Variants in FREM2 observed in about 807,000 individuals in gnomAD.
The protein encoded by FREM2 is FRAS1-related extracellular matrix protein 2.
FREM2 carries 119 observed loss-of-function variants against 219.9 expected under a neutral mutation model. The observed-to-expected ratio is 0.54, with a 90% CI of 0.47 to 0.63. The LOEUF is 0.63. FREM2 is among the 30% of genes least tolerant of loss of function. The pLI is 0.00. For synonymous variants in FREM2, 1,562 were observed against 1,522.8 expected, an observed-to-expected ratio of 1.03 and a Z score of -0.60; for missense variants, 4,030 against 3,993.6, an observed-to-expected ratio of 1.01 and a Z score of -0.25.
At chr13:38,746,930 C>A (rs1285029536) in intron 2 of FREM2, among the ~76,000 whole-genome samples, 1 of 152,148 alleles carries the variant, frequency 6.6e-6, no homozygotes, top group East Asian at 1.9e-4. Context: ...TTGGTAGAAA[C>A]CAGTGCAGAG....
chr13:38,744,840 G>C (rs1398375813), intron 2 of FREM2, among the ~76,000 whole-genome samples: 1 of 152,184 alleles, frequency 6.6e-6, no homozygotes, highest in Non-Finnish European at 1.5e-5. Flanking sequence ...TGAAAAAGTA[G>C]TACCACTTTC....
chr13:38,775,660 C>T (rs990381148), intron 4 of FREM2, among the ~76,000 whole-genome samples: 4 of 152,196 alleles, frequency 2.6e-5, no homozygotes, highest in Non-Finnish European at 5.9e-5. Flanking sequence ...CACTCTGTCA[C>T]CCAGGCTGGA....
intron 11 of FREM2, among the ~76,000 whole-genome samples, chr13:38,854,230 G>T (rs74048365): frequency 6.6e-6 from 1 of 151,468 alleles, no homozygotes; most frequent in Non-Finnish European, 1.5e-5. Context: ...CTTGACCACC[G>T]TCCAGCAAGT....
At chr13:38,754,657 A>G (rs1872909074) in intron 2 of FREM2, among the ~76,000 whole-genome samples, 1 of 152,116 alleles carries the variant, frequency 6.6e-6, no homozygotes, top group Non-Finnish European at 1.5e-5. Context: ...CACCCTGACC[A>G]TGGCCCTCAA....
At chr13:38,779,058 G>A (rs1227150496) in intron 4 of FREM2, among the ~76,000 whole-genome samples, 3 of 152,030 alleles carry the variant, frequency 2.0e-5, no homozygotes, top group African/African-American at 7.2e-5. Context: ...ATAATAATAG[G>A]TGTAATTCTT....
chr13:38,825,206 C>G (rs1395769727), intron 6 of FREM2, among the ~76,000 whole-genome samples: 5 of 151,996 alleles, frequency 3.3e-5, no homozygotes, highest in African/African-American at 1.2e-4. Context: ...GTTTTAACTT[C>G]TAGACTAAGA....
chr13:38,779,349 C>G (rs1180949635), intron 4 of FREM2: 2 of 151,574 alleles, frequency 1.3e-5, no homozygotes, highest in African/African-American at 4.9e-5. Context: ...ACCTATGTAA[C>G]AAACCTACAC....
At chr13:38,796,318 T>G (rs1340860930) in intron 6 of FREM2, among the ~76,000 whole-genome samples, 1 of 152,198 alleles carries the variant, frequency 6.6e-6, no homozygotes, top group Non-Finnish European at 1.5e-5. Context: ...GTCACTTGCT[T>G]TACAGTCAAT....
intron 9 of FREM2, among the ~76,000 whole-genome samples, 167 bp downstream of exon 9, chr13:38,850,402 G>T (rs1322435302): frequency 2.0e-5 from 3 of 152,168 alleles, no homozygotes; most frequent in Non-Finnish European, 4.4e-5. Context: ...TTGAATGAAT[G>T]CCCTTTTGGT....
At chr13:38,861,309 G>A (rs930117146) in intron 14 of FREM2, 122 bp from the exon 15 acceptor site, 9 of 935,076 alleles carry the variant, frequency 9.6e-6, no homozygotes, top group Middle Eastern at 2.9e-4. Flanking sequence ...TCTTAGCCAT[G>A]CCCTACTCCA....
chr13:38,856,090 T>C, intron 11 of FREM2, 36 bp from the exon 12 acceptor site: 1 of 1,454,342 alleles, frequency 6.9e-7, no homozygotes, highest in Non-Finnish European at 9.6e-7. Context: ...CATATTCATA[T>C]GCAAATGATT....
chr13:38,843,272 G>A (rs1877028074), intron 6 of FREM2, among the ~76,000 whole-genome samples: 3 of 117,366 alleles, frequency 2.6e-5, no homozygotes, highest in African/African-American at 9.8e-5. Context: ...CATTAAGTCT[G>A]TGAACTTAAA....
intron 1 of FREM2, among the ~76,000 whole-genome samples, chr13:38,693,968 C>T (rs897255551): frequency 2.6e-5 from 4 of 152,096 alleles, no homozygotes; most frequent in African/African-American, 7.2e-5. Flanking sequence ...GGTTTATTTT[C>T]ATGGAGAGGG....
chr13:38,863,992 C>T lies in FREM2; in HGVS notation c.7652-283C>T, dbSNP rs369663866. Among the ~76,000 whole-genome samples, 10 of 152,086 alleles carry T rather than the reference C, an allele frequency of 6.6e-5. No individual in the cohort carries two copies. In the East Asian group the frequency reaches 1.7e-3, roughly 27 times the overall value. ...GGATTACAGGCACCCGCCACCATGC[C>T]CAGCTATTGTAATTTTGGTAGAGAC... is the stretch of plus-strand genomic sequence containing the variant. On this transcript the variant is annotated intron_variant, in intron 15 of 23. Coordinates refer to ENST00000280481, the MANE Select transcript of FREM2 (RefSeq NM_207361.6).
chr13:38,823,624 A>G (rs1876157430), intron 6 of FREM2, among the ~76,000 whole-genome samples: 1 of 152,022 alleles, frequency 6.6e-6, no homozygotes, highest in African/African-American at 2.4e-5. Context: ...CTCCTCATTC[A>G]TCAGCTGGCT....
chr13:38,762,260 A>T (rs1051810386), intron 2 of FREM2, among the ~76,000 whole-genome samples: 1 of 152,098 alleles, frequency 6.6e-6, no homozygotes. Flanking sequence ...GCTAGAAGTG[A>T]TGTGGGTGGG....
In FREM2 at chr13:38,773,762, A is replaced by G. The variant is rs538032225; in HGVS notation, c.5641+3954A>G. On this transcript the variant is annotated intron_variant, in intron 4 of 23. Coordinates refer to ENST00000280481, the MANE Select transcript of FREM2 (RefSeq NM_207361.6). Reference sequence around the variant, plus strand: ...TTTAACATGCGCATAGAAAGTTCCAACTGGGAAGGGTTTAAAGTTCATGAA... The same window carrying G: ...TTTAACATGCGCATAGAAAGTTCCAGCTGGGAAGGGTTTAAAGTTCATGAA... Among the ~76,000 whole-genome samples the G allele has an allele frequency of 5.3e-5, 8 of 152,134 alleles. No homozygotes were observed. In the South Asian group the frequency reaches 1.7e-3, roughly 32 times the overall value.
chr13:38,743,319 A>G (rs1872324255), intron 2 of FREM2, among the ~76,000 whole-genome samples: 1 of 151,292 alleles, frequency 6.6e-6, no homozygotes, highest in African/African-American at 2.4e-5. Flanking sequence ...ATTTTAATAT[A>G]TATATACATA....
intron 1 of FREM2, among the ~76,000 whole-genome samples, chr13:38,692,890 A>G (rs1241916815): frequency 2.6e-5 from 4 of 152,192 alleles, no homozygotes; most frequent in Admixed American, 1.3e-4. Flanking sequence ...TGGCACCTTA[A>G]TGAAGGATGT....
Sources: allele counts gnomAD v4.1 joint callset (sites outside exome capture counted in the v4.1 genomes callset), GRCh38; gene constraint gnomAD v4.1.1; transcripts MANE v1.5; gene names NCBI Gene and HGNC (gene_info 2026-07-23, HGNC 2026-07-21).